ANKRD11: variants seen among roughly 807,000 people sequenced by gnomAD.
ANKRD11 encodes the protein ankyrin repeat domain 11.
A neutral mutation model predicts 195.7 loss-of-function variants in ANKRD11; 17 were observed. The observed-to-expected ratio is 0.09, with a 90% CI of 0.06 to 0.13. ANKRD11 has a LOEUF of 0.13. ANKRD11 is among the 10% of genes least tolerant of loss of function. The pLI, the probability that ANKRD11 is intolerant of heterozygous loss-of-function variation, is 1.00. For synonymous variants in ANKRD11, 1,953 were observed against 1,528.1 expected, an observed-to-expected ratio of 1.28 and a Z score of -6.49; for missense variants, 3,735 against 3,566.1, an observed-to-expected ratio of 1.05 and a Z score of -1.21.
intron 2 of ANKRD11, among the ~76,000 whole-genome samples, chr16:89,330,795 CT>C: frequency 6.6e-6 from 1 of 152,090 alleles, no homozygotes; most frequent in South Asian, 2.1e-4. Context: ...GAGAACGGTG[CT>C]CCACTTCTGA....
At chr16:89,313,299 C>G (rs766003676) in intron 3 of ANKRD11, 1 of 1,285,198 alleles carries the variant, frequency 7.8e-7, no homozygotes, top group East Asian at 5.6e-5. Context: ...CGACACTGTT[C>G]TCTGTAGCCC....
rs1006656311 is a variant in ANKRD11, at chr16:89,305,099, G to A, written c.226+107C>T. 11 of 1,509,496 alleles carry A rather than the reference G, an allele frequency of 7.3e-6. No individual in the cohort carries two copies. In the Admixed American group the frequency reaches 1.1e-4, roughly 15 times the overall value. The allele number at this position is 1,509,496 out of a possible 1,614,324, so 93.5% of individuals were successfully genotyped here. A position where few individuals can be genotyped will look rare whatever the true frequency, so the allele number is the denominator to read the frequency against. ...CCTGGACGGCGTGCAGGGTGCTAGA[G>A]TGCGTCCCAGTGCAAAGCCGGAGGT... On this transcript the variant is annotated intron_variant, in intron 4 of 12. Coordinates refer to ENST00000301030, the MANE Select transcript of ANKRD11 (RefSeq NM_013275.6).
intron 1 of ANKRD11, among the ~76,000 whole-genome samples, chr16:89,476,395 G>T (rs181684545): frequency 8.6e-4 from 131 of 152,282 alleles, no homozygotes; most frequent in Non-Finnish European, 1.5e-3. Flanking sequence ...AGGTTCTTGG[G>T]TTATTCGTAG....
rs1373611102 is a variant in ANKRD11 at position 89,270,880 on chromosome 16, A to G, written c.7743T>C (p.Arg2581=). The change falls in exon 12 of 13, where the codon CGT becomes CGC. Residue 2581 remains arginine, a synonymous_variant. Coordinates refer to ENST00000301030, the MANE Select transcript of ANKRD11 (RefSeq NM_013275.6). ...AGGAGATGAACTGGCGGGCGTTGAAACGGTCGCGCACTGACTTGTTCTCGT... is the reference window on the plus strand; with the variant it reads ...AGGAGATGAACTGGCGGGCGTTGAAGCGGTCGCGCACTGACTTGTTCTCGT... ...QGDENKSVRD[R]FNARQFISWL... is the part of the protein sequence containing the mutation. 6.2e-7 allele frequency: 1 copy of G among 1,613,992 alleles called. No individual in the cohort carries two copies. Among genetic ancestry groups the G allele is most frequent in the Admixed American group, 1.7e-5 (1 of 60,006 alleles).
intron 2 of ANKRD11, among the ~76,000 whole-genome samples, chr16:89,411,711 C>T (rs2042117480): frequency 1.3e-5 from 2 of 152,128 alleles, no homozygotes; most frequent in South Asian, 4.1e-4. Flanking sequence ...ATTCGGAACC[C>T]ACCACTATCC....
intron 2 of ANKRD11, among the ~76,000 whole-genome samples, chr16:89,357,290 G>C (rs1393855205): frequency 6.6e-6 from 1 of 152,092 alleles, no homozygotes; most frequent in Non-Finnish European, 1.5e-5. Context: ...CATGAAGGAA[G>C]GGCAGTCAGG....
At chr16:89,296,188 C>T (rs757141733) in intron 4 of ANKRD11, among the ~76,000 whole-genome samples, 5 of 151,916 alleles carry the variant, frequency 3.3e-5, no homozygotes, top group Non-Finnish European at 7.4e-5. Context: ...GAAAACTTCA[C>T]GTCAGAGTCA....
chr16:89,278,548 G>A (rs1444871632), intron 9 of ANKRD11: 7 of 456,848 alleles, frequency 1.5e-5, no homozygotes, highest in Non-Finnish European at 3.1e-5. Context: ...GGAACAAGGT[G>A]AGGCTGGGGG....
rs1049723902 is a variant in ANKRD11 at position 89,487,667 on chromosome 16, G to A, written c.-145+2578C>T. On this transcript the variant is annotated intron_variant, in intron 1 of 12. Coordinates refer to ENST00000301030, the MANE Select transcript of ANKRD11 (RefSeq NM_013275.6). ...TGGGCGCCTGTAATCCCAGCTACTC[G>A]GGAGGCTGAGGCAGAGAACTGCTTG... is the stretch of plus-strand genomic sequence containing the variant. Among the ~76,000 whole-genome samples, 4 of 152,070 alleles carry A rather than the reference G, an allele frequency of 2.6e-5. No individual in the cohort carries two copies. In the East Asian group the frequency reaches 5.8e-4, roughly 22 times the overall value.
At chr16:89,306,970 G>A (rs1052434975) in intron 3 of ANKRD11, among the ~76,000 whole-genome samples, 1 of 151,712 alleles carries the variant, frequency 6.6e-6, no homozygotes, top group Non-Finnish European at 1.5e-5. Flanking sequence ...CTTGGGACGT[G>A]GGGAGGGGGA....
chr16:89,404,684 G>A (rs182689166), intron 2 of ANKRD11, among the ~76,000 whole-genome samples: 2 of 152,224 alleles, frequency 1.3e-5, no homozygotes, highest in African/African-American at 4.8e-5. Context: ...CCACAAAGTG[G>A]CATGTTCAAC....
intron 2 of ANKRD11, among the ~76,000 whole-genome samples, chr16:89,329,995 A>AAAAATAAAATAAAAT (rs71134203): frequency 0.016 from 2,275 of 146,288 alleles, 50 homozygotes; most frequent in African/African-American, 0.046. Flanking sequence ...ACCTTGTCTC[A>AAAAATAAAATAAAAT]AAAATAAAAT....
chr16:89,488,850 C>T (rs138017305), intron 1 of ANKRD11, among the ~76,000 whole-genome samples: 2 of 152,266 alleles, frequency 1.3e-5, no homozygotes, highest in Non-Finnish European at 2.9e-5. Flanking sequence ...AGCCTGAAAT[C>T]TAATTTCTCT....
chr16:89,287,453 A>G (rs959630562), intron 7 of ANKRD11: 1 of 230,632 alleles, frequency 4.3e-6, no homozygotes, highest in African/African-American at 2.3e-5. Context: ...TTTTCGTAAT[A>G]AAAAGTTTAA....
At chr16:89,306,701 C>CACCT (rs778738282) in intron 3 of ANKRD11, among the ~76,000 whole-genome samples, 499 of 10,066 alleles carry the variant, frequency 0.05, 121 homozygotes, top group Middle Eastern at 0.17. Flanking sequence ...AGACACGTGC[C>CACCT]ACCTCCCACT....
At chr16:89,382,649 AT>A (rs2040713202) in intron 2 of ANKRD11, among the ~76,000 whole-genome samples, 1 of 148,014 alleles carries the variant, frequency 6.8e-6, no homozygotes, top group Non-Finnish European at 1.5e-5. Context: ...CAAATAAACA[AT>A]TCCCCCCCTC....
intron 2 of ANKRD11, among the ~76,000 whole-genome samples, chr16:89,387,533 C>T (rs182436919): frequency 4.6e-5 from 7 of 151,772 alleles, no homozygotes; most frequent in African/African-American, 7.3e-5. Flanking sequence ...ATTAACCAGG[C>T]GTGGTGGCGG....
chr16:89,480,558 G>A (rs775332111), intron 1 of ANKRD11, among the ~76,000 whole-genome samples: 17 of 152,078 alleles, frequency 1.1e-4, no homozygotes, highest in Non-Finnish European at 2.2e-4. Flanking sequence ...GTGCATAGAA[G>A]TAACAGAAGA....
chr16:89,343,329 A>C (rs1432439551), intron 2 of ANKRD11, among the ~76,000 whole-genome samples: 1 of 152,232 alleles, frequency 6.6e-6, no homozygotes, highest in Non-Finnish European at 1.5e-5. Flanking sequence ...CTGTGTTCCC[A>C]AAAACAGAAA....
Sources: gnomAD v4.1 joint callset for allele counts (sites outside exome capture counted in the v4.1 genomes callset) on GRCh38, gnomAD v4.1.1 for gene constraint, MANE v1.5 for transcripts, NCBI Gene and HGNC (gene_info 2026-07-23, HGNC 2026-07-21) for gene names.